Variants in ANKRD36C observed in about 807,000 individuals in gnomAD.
ANKRD36C encodes ankyrin repeat domain-containing protein 36C.
A neutral mutation model predicts 276.4 loss-of-function variants in ANKRD36C; 61 were observed. The ratio of observed to expected loss-of-function variants is 0.22; its 90% CI spans 0.18 to 0.27. ANKRD36C has a LOEUF of 0.27. Among genes scored for constraint, ANKRD36C ranks in the 10% least tolerant of loss-of-function variants. The pLI is 1.00. For missense variants in ANKRD36C, 1,447 were observed against 2,032.3 expected, an observed-to-expected ratio of 0.71 and a Z score of 5.54; for synonymous variants, 483 against 680.1, an observed-to-expected ratio of 0.71 and a Z score of 4.51.
chr2:95,853,557 G>GC (rs1558614967), intron 64 of ANKRD36C, 152 bp downstream of exon 84: 1 of 661,718 alleles, frequency 1.5e-6, no homozygotes, highest in Non-Finnish European at 2.4e-6. Context: ...GGAAAATACA[G>GC]AAGAAAGCCA....
intron 44 of ANKRD36C, 120 bp from the exon 59 acceptor site, chr2:95,897,585 G>C (rs1676591575): frequency 2.3e-6 from 3 of 1,280,698 alleles, no homozygotes; most frequent in Non-Finnish European, 2.2e-6. Flanking sequence ...GGCTTTGATG[G>C]CTTCTACTTT....
intron 40 of ANKRD36C, among the ~76,000 whole-genome samples, chr2:95,913,453 C>A (rs1041552258): frequency 4.6e-5 from 7 of 151,334 alleles, no homozygotes; most frequent in African/African-American, 1.2e-4. Flanking sequence ...TCCTAGTAAC[C>A]AAGAGGAGTA....
intron 64 of ANKRD36C, 52 bp downstream of exon 84, chr2:95,853,657 A>G: frequency 6.5e-7 from 1 of 1,540,004 alleles, no homozygotes; most frequent in Non-Finnish European, 8.8e-7. Flanking sequence ...ACTTTATATT[A>G]GTTAACTAGC....
intron 62 of ANKRD36C, among the ~76,000 whole-genome samples, chr2:95,856,669 G>C (rs377253919): frequency 2.0e-5 from 3 of 151,824 alleles, no homozygotes; most frequent in African/African-American, 7.3e-5. Flanking sequence ...ATATTGTTAT[G>C]GTCAATTTTA....
chr2:95,921,490 A>G lies in ANKRD36C; in HGVS notation c.2245+117T>C, dbSNP rs1677266288. 2.9e-6 allele frequency: 4 copies of G among 1,388,458 alleles called. No individual in the cohort carries two copies. The South Asian group carries it at 4.1e-5, about 14-fold the overall frequency. 86.0% of individuals were successfully genotyped at this position (1,388,458 alleles called of 1,614,324 possible). ...AAATGAAGACTCTCAGGCCTACTGA[A>G]TCAGAATGTGCAGCTTCGGCGAGCC... On this transcript the variant is annotated intron_variant, in intron 34 of 66. Transcript: ENST00000456556.
chr2:95,884,326 A>G lies in ANKRD36C; in HGVS notation c.3192+14T>C, dbSNP rs1440190792. 6 of 1,610,772 alleles carry G rather than the reference A, an allele frequency of 3.7e-6. No individual in the cohort carries two copies. Among genetic ancestry groups the G allele is most frequent in the East Asian group, 2.2e-5 (1 of 44,794 alleles). ...ACAATTACTAGTTCACAATATAAAT[A>G]AGAGTTTAATTACCTTCAAGGCTGG... is the stretch of plus-strand genomic sequence containing the variant. On this transcript the variant is annotated intron_variant, in intron 53 of 66. Coordinates refer to ENST00000456556, the Ensembl canonical transcript of ANKRD36C.
intron 59 of ANKRD36C, among the ~76,000 whole-genome samples, chr2:95,871,390 C>G (rs575084327): frequency 6.6e-6 from 1 of 152,172 alleles, no homozygotes; most frequent in East Asian, 1.9e-4. Flanking sequence ...GAATTTTCAA[C>G]CCAGAATTTC....
intron 20 of ANKRD36C, 73 bp from the exon 21 acceptor site, chr2:95,939,088 T>C: frequency 6.8e-7 from 1 of 1,477,886 alleles, no homozygotes; most frequent in Non-Finnish European, 8.9e-7. Context: ...ATGCAGTGTT[T>C]GTATCCAGCT....
chr2:95,989,200 AAAAT>A (rs1426222880), intron 1 of ANKRD36C, among the ~76,000 whole-genome samples: 6 of 151,320 alleles, frequency 4.0e-5, no homozygotes, highest in Non-Finnish European at 8.8e-5. Context: ...AATAAATAAT[AAAAT>A]AAAATAGAAA....
At chr2:95,914,069 C>T (rs776254209) in intron 40 of ANKRD36C, 39 bp downstream of exon 42, 45 of 1,519,122 alleles carry the variant, frequency 3.0e-5, no homozygotes, top group Non-Finnish European at 3.8e-5. Flanking sequence ...TCTTATCTAT[C>T]TCGACTGATC....
At chr2:95,903,362 G>A (rs1290315746) in intron 42 of ANKRD36C, among the ~76,000 whole-genome samples, 3 of 150,514 alleles carry the variant, frequency 2.0e-5, no homozygotes, top group African/African-American at 7.3e-5. Context: ...GATATGCCGA[G>A]TGATGAGGAC....
Position 95,919,858 on chromosome 2 carries a change from T to C in ANKRD36C, c.2245+1749A>G, listed in dbSNP as rs2104419602. 1.3e-6 allele frequency: 2 copies of C among 1,543,512 alleles called. 1 individual carries two copies. Among genetic ancestry groups the C allele is most frequent in the Non-Finnish European group, 1.7e-6 (2 of 1,144,964 alleles). On this transcript the variant is annotated intron_variant, in intron 34 of 66. Coordinates refer to ENST00000456556, the Ensembl canonical transcript of ANKRD36C. The stretch of plus-strand genomic sequence containing the variant: ...AATAAATAAATCAATGAAGTATGTG[T>C]CATAGACTACAATGTAAATGAGAGT...
At chr2:95,954,034 G>T (rs549120533) in intron 13 of ANKRD36C, 29 bp from the exon 14 acceptor site, 22 of 1,532,720 alleles carry the variant, frequency 1.4e-5, no homozygotes, top group Admixed American at 2.0e-5. Context: ...CAGCAAAAAT[G>T]AGCACGTTCA....
At chr2:95,895,956 CAT>C (rs1169786071) in intron 44 of ANKRD36C, among the ~76,000 whole-genome samples, 9 of 150,188 alleles carry the variant, frequency 6.0e-5, no homozygotes, top group African/African-American at 2.0e-4. Context: ...CATGATCCCA[CAT>C]GTCTTTCATG....
intron 42 of ANKRD36C, among the ~76,000 whole-genome samples, chr2:95,911,613 T>C (rs759566642): frequency 6.6e-6 from 1 of 151,480 alleles, no homozygotes; most frequent in Non-Finnish European, 1.5e-5. Flanking sequence ...ATTGAGTTTT[T>C]ATGCCAATTC....
chr2:95,879,716 C>T (rs573942434), intron 58 of ANKRD36C, among the ~76,000 whole-genome samples: 2 of 152,104 alleles, frequency 1.3e-5, no homozygotes, highest in Admixed American at 1.3e-4. Flanking sequence ...ACAAATGTTA[C>T]AAAATAAAAC....
At chr2:95,865,942 G>T (rs1249666496) in intron 60 of ANKRD36C, among the ~76,000 whole-genome samples, 2 of 151,912 alleles carry the variant, frequency 1.3e-5, no homozygotes, top group African/African-American at 4.8e-5. Context: ...GGGAGCACCT[G>T]CAAATTAATA....
At chr2:95,986,529 TATAATTATTTACC>T in intron 3 of ANKRD36C, 2 of 549,638 alleles carry the variant, frequency 3.6e-6, no homozygotes, top group Non-Finnish European at 6.0e-6. Flanking sequence ...TTCATGTTTG[TATAATTATTTACC>T]ATAAGTGCAT....
exon 1 of ANKRD36C, chr2:95,991,604 C>A (rs1264260319): frequency 6.2e-7 from 1 of 1,614,084 alleles, no homozygotes. Context: ...CTCTGTGGAT[C>A]CCCTTCAGAT....
Sources: allele counts gnomAD v4.1 joint callset (sites outside exome capture counted in the v4.1 genomes callset), GRCh38; gene constraint gnomAD v4.1.1; transcripts MANE v1.5; gene names NCBI Gene and HGNC (gene_info 2026-07-23, HGNC 2026-07-21).